EYA1: variants seen among roughly 807,000 people sequenced by gnomAD.
The protein encoded by EYA1 is protein phosphatase EYA1.
A neutral mutation model predicts 82.0 loss-of-function variants in EYA1; 16 were observed. The ratio of observed to expected loss-of-function variants is 0.20; its 90% CI spans 0.13 to 0.30. The LOEUF is 0.30. Among genes scored for constraint, EYA1 ranks in the 10% least tolerant of loss-of-function variants. The pLI, the probability that EYA1 is intolerant of heterozygous loss-of-function variation, is 1.00. For missense variants in EYA1, 633 were observed against 730.7 expected, an observed-to-expected ratio of 0.87 and a Z score of 1.54; for synonymous variants, 261 against 264.4, an observed-to-expected ratio of 0.99 and a Z score of 0.12.
intron 2 of EYA1, among the ~76,000 whole-genome samples, chr8:71,484,917 G>A (rs1236449368): frequency 1.3e-5 from 2 of 152,148 alleles, no homozygotes; most frequent in Non-Finnish European, 2.9e-5. Context: ...TGGGAGCCAC[G>A]CCTGTGAAAT....
intron 12 of EYA1, chr8:71,225,332 G>A (rs959132482): frequency 4.4e-6 from 2 of 456,148 alleles, no homozygotes; most frequent in Non-Finnish European, 8.8e-6. Context: ...TATGTGGTTT[G>A]TAGCCTCTCC....
rs1563640234 is a variant in EYA1, at chr8:71,463,629, CT to C, written c.33+72114del. Among the ~76,000 whole-genome samples the C allele has an allele frequency of 1.8e-4, 19 of 103,762 alleles. 2 individuals carry two copies. Among genetic ancestry groups the C allele is most frequent in the African/African-American group, 6.7e-4 (14 of 20,982 alleles). The allele number at this position is 103,762 out of a possible 152,430, so 68.1% of individuals were successfully genotyped here. A position where few individuals can be genotyped will look rare whatever the true frequency, so the allele number is the denominator to read the frequency against. On this transcript the variant is annotated intron_variant, in intron 2 of 18. Transcript: ENST00000643681. Reference sequence around the variant, plus strand: ...TCTCTCTCTCTCTCTCTCTCTCTCTCTCTCCCTCCCTCCCCCCTCCCACACA... The same window carrying C: ...TCTCTCTCTCTCTCTCTCTCTCTCTCCTCCCTCCCTCCCCCCTCCCACACA...
In EYA1 at chr8:71,334,188, C is replaced by T. The variant is rs761209265; in HGVS notation, c.125-14G>A. 14 of 1,576,590 alleles carry T rather than the reference C, an allele frequency of 8.9e-6. No individual in the cohort carries two copies. Among genetic ancestry groups the T allele is most frequent in the Non-Finnish European group, 1.2e-5 (14 of 1,146,154 alleles). ...GCTCTGTTTTAACTACAAAAATAAA[C>T]AACATACATCGATATTGAATTAATA... On this transcript the variant is annotated splice_polypyrimidine_tract_variant and intron_variant, in intron 3 of 17. Coordinates refer to ENST00000340726, the MANE Select transcript of EYA1 (RefSeq NM_000503.6).
At chr8:71,290,684 C>T (rs1439620511) in intron 9 of EYA1, among the ~76,000 whole-genome samples, 1 of 152,016 alleles carries the variant, frequency 6.6e-6, no homozygotes, top group Admixed American at 6.6e-5. Flanking sequence ...GAAATACAGT[C>T]CAAAATTCAC....
chr8:71,444,454 T>G (rs565714316), intron 2 of EYA1, among the ~76,000 whole-genome samples: 1 of 152,304 alleles, frequency 6.6e-6, no homozygotes, highest in South Asian at 2.1e-4. Flanking sequence ...GGGGCAGAGA[T>G]GGTGACCTAG....
At chr8:71,220,129 C>T (rs1324046097) in intron 12 of EYA1, among the ~76,000 whole-genome samples, 1 of 152,100 alleles carries the variant, frequency 6.6e-6, no homozygotes, top group Non-Finnish European at 1.5e-5. Context: ...AATATATTTC[C>T]AGGTGCCAAT....
At chr8:71,376,708 G>A (rs1325817628) in intron 2 of EYA1, among the ~76,000 whole-genome samples, 2 of 152,102 alleles carry the variant, frequency 1.3e-5, no homozygotes, top group Non-Finnish European at 2.9e-5. Flanking sequence ...GTCTCTCCGC[G>A]TAAACAAGAA....
chr8:71,520,518 C>T (rs907773246), intron 2 of EYA1, among the ~76,000 whole-genome samples: 22 of 152,216 alleles, frequency 1.4e-4, no homozygotes, highest in African/African-American at 4.8e-4. Flanking sequence ...ACTGCATTCT[C>T]ACAGCTGCTT....
At chr8:71,346,648 T>C (rs919319994) in intron 3 of EYA1, among the ~76,000 whole-genome samples, 9 of 152,010 alleles carry the variant, frequency 5.9e-5, no homozygotes, top group African/African-American at 2.2e-4. Flanking sequence ...GAAGTTTCTA[T>C]TTATGAAGCA....
At chr8:71,234,590 G>A (rs1369804783) in intron 12 of EYA1, among the ~76,000 whole-genome samples, 2 of 152,106 alleles carry the variant, frequency 1.3e-5, no homozygotes, top group Non-Finnish European at 2.9e-5. Flanking sequence ...TTCTGTGATA[G>A]CTCATACTTT....
intron 14 of EYA1, among the ~76,000 whole-genome samples, chr8:71,216,268 T>C (rs1809180631): frequency 6.6e-6 from 1 of 152,186 alleles, no homozygotes; most frequent in Non-Finnish European, 1.5e-5. Flanking sequence ...TATTATTAAG[T>C]CACTGTATTT....
At chr8:71,234,666 T>C (rs1234081474) in intron 12 of EYA1, among the ~76,000 whole-genome samples, 1 of 152,098 alleles carries the variant, frequency 6.6e-6, no homozygotes, top group Non-Finnish European at 1.5e-5. Flanking sequence ...TTCTTGGCCC[T>C]ATTTCTAATT....
intron 9 of EYA1, among the ~76,000 whole-genome samples, chr8:71,290,763 A>AT (rs1384829010): frequency 6.6e-6 from 1 of 152,128 alleles, no homozygotes; most frequent in Non-Finnish European, 1.5e-5. Flanking sequence ...ATTTCCATGA[A>AT]TTTTATAATC....
intron 2 of EYA1, among the ~76,000 whole-genome samples, chr8:71,388,615 G>T (rs1380028756): frequency 1.3e-5 from 2 of 152,166 alleles, no homozygotes; most frequent in South Asian, 2.1e-4. Flanking sequence ...AAACTAGAAA[G>T]AACAACCATA....
At chr8:71,391,150 T>C (rs1481791514) in intron 2 of EYA1, among the ~76,000 whole-genome samples, 1 of 152,114 alleles carries the variant, frequency 6.6e-6, no homozygotes, top group African/African-American at 2.4e-5. Flanking sequence ...ATTTTTATTT[T>C]ATTTTTATTT....
chr8:71,211,400 C>A, intron 16 of EYA1, 144 bp from the exon 17 acceptor site: 1 of 668,364 alleles, frequency 1.5e-6, no homozygotes, highest in Non-Finnish European at 2.7e-6. Flanking sequence ...TTTTATGCCA[C>A]TTGGGTTGTA....
intron 1 of EYA1, among the ~76,000 whole-genome samples, chr8:71,542,894 T>C (rs1277170202): frequency 6.6e-6 from 1 of 152,190 alleles, no homozygotes; most frequent in Non-Finnish European, 1.5e-5. Flanking sequence ...TTGCCCACTT[T>C]TTAATGGGGT....
intron 14 of EYA1, among the ~76,000 whole-genome samples, chr8:71,216,343 C>A (rs1469971620): frequency 6.6e-6 from 1 of 151,988 alleles, no homozygotes; most frequent in African/African-American, 2.4e-5. Flanking sequence ...AGTATTTACC[C>A]TGTAGGAGGA....
intron 2 of EYA1, among the ~76,000 whole-genome samples, chr8:71,533,957 T>A (rs1401852124): frequency 6.6e-6 from 1 of 152,246 alleles, no homozygotes; most frequent in Non-Finnish European, 1.5e-5. Flanking sequence ...TGCCCTCTCA[T>A]ATATCTTTTA....
Sources: allele counts gnomAD v4.1 joint callset (sites outside exome capture counted in the v4.1 genomes callset), GRCh38; gene constraint gnomAD v4.1.1; transcripts MANE v1.5; gene names NCBI Gene and HGNC (gene_info 2026-07-23, HGNC 2026-07-21).